Variants in KIRREL3 observed in about 807,000 individuals in gnomAD.
KIRREL3 encodes kin of IRRE-like protein 3.
A neutral mutation model predicts 89.7 loss-of-function variants in KIRREL3; 36 were observed. That is an observed-to-expected ratio of 0.40 (90% CI 0.31 to 0.53). The LOEUF is 0.53. Ranked by LOEUF, KIRREL3 falls within the 20% of genes least tolerant of loss-of-function variation. The probability of loss-of-function intolerance (pLI) is 0.49; values close to 1 mark genes in which losing one functional copy is unlikely to be tolerated. For synonymous variants in KIRREL3, 445 were observed against 441.4 expected (o/e 1.01, Z -0.10); for missense variants, 864 against 1,056.6 (o/e 0.82, Z 2.53).
At chr11:126,479,604 G>A (rs1957167831) in intron 4 of KIRREL3, among the ~76,000 whole-genome samples, 1 of 152,196 alleles carries the variant, frequency 6.6e-6, no homozygotes, top group Non-Finnish European at 1.5e-5. Context: ...TGCTCTAAGG[G>A]TTCCGAGGTA....
chr11:126,765,954 T>C lies in KIRREL3; in HGVS notation c.56-203042A>G, dbSNP rs141634981. On this transcript the variant is annotated intron_variant, in intron 1 of 16. Transcript: ENST00000525144. ...ATCAAGTGCTCTACAATTTCCACTG[T>C]AACTTTATGTTACAGAATCCATCAT... is the stretch of plus-strand genomic sequence containing the variant. Among the ~76,000 whole-genome samples the C allele has an allele frequency of 9.0e-3, 1,377 of 152,286 alleles. 11 individuals carry two copies. Among genetic ancestry groups the C allele is most frequent in the Middle Eastern group, 0.044 (13 of 294 alleles).
At position 126,463,373 on chromosome 11, in the gene KIRREL3, G is replaced by A. The variant is rs1956614960; in HGVS notation, c.592-66C>T. 1.2e-5 allele frequency: 18 copies of A among 1,511,636 alleles called. No homozygotes were observed. The highest frequency in any genetic ancestry group is 1.6e-5 in the Non-Finnish European group (18 of 1,108,188). The allele number at this position is 1,511,636 out of a possible 1,614,324, so 93.6% of individuals were successfully genotyped here. The stretch of plus-strand genomic sequence containing the variant: ...TTGGCTGGGGTGGCCAGCCTGGGTT[G>A]GGGGTAAACGAGCACCAGCTTAGAC... On this transcript the variant is annotated intron_variant, in intron 5 of 16. Transcript: ENST00000525144. The surrounding 1 kb of genome is among the most constrained non-coding windows in gnomAD (Gnocchi z 5.9).
At chr11:126,706,230 G>A (rs548680234) in intron 1 of KIRREL3, among the ~76,000 whole-genome samples, 1 of 152,274 alleles carries the variant, frequency 6.6e-6, no homozygotes, top group African/African-American at 2.4e-5. Flanking sequence ...TTGTCACATA[G>A]AAATAGAGAA....
rs966475887 is a variant in KIRREL3, at chr11:126,492,618, A to G, written c.434-19152T>C. On this transcript the variant is annotated intron_variant, in intron 4 of 16. Coordinates refer to ENST00000525144, the MANE Select transcript of KIRREL3 (RefSeq NM_032531.4). The surrounding 1 kb of genome is among the most constrained non-coding windows in gnomAD (Gnocchi z 4.8). The stretch of plus-strand genomic sequence containing the variant: ...GCGTCACCTCAGCTGTTGGAGGGGA[A>G]CAGCCACCAGGCCATTTTTATGACT... 6.6e-6 allele frequency among the ~76,000 whole-genome samples: 1 copy of G among 152,186 alleles called. No homozygotes were observed. Among genetic ancestry groups the G allele is most frequent in the Non-Finnish European group, 1.5e-5 (1 of 68,034 alleles).
intron 1 of KIRREL3, among the ~76,000 whole-genome samples, chr11:126,961,969 T>C (rs1949101369): frequency 6.6e-6 from 1 of 152,234 alleles, no homozygotes; most frequent in African/African-American, 2.4e-5. Flanking sequence ...TTACTGAATA[T>C]TTTAAGCCCA....
At chr11:126,657,250 A>C (rs1414356933) in intron 1 of KIRREL3, among the ~76,000 whole-genome samples, 6 of 147,844 alleles carry the variant, frequency 4.1e-5, no homozygotes, top group Non-Finnish European at 7.6e-5. Flanking sequence ...ATAAATAATT[A>C]AATAAATAAA....
intron 1 of KIRREL3, among the ~76,000 whole-genome samples, chr11:126,893,771 C>A (rs913315702): frequency 6.6e-6 from 1 of 152,200 alleles, no homozygotes; most frequent in African/African-American, 2.4e-5. Flanking sequence ...TTAAACGATG[C>A]GTGTTATAAA....
chr11:126,440,468 G>A lies in KIRREL3; in HGVS notation c.1334C>T (p.Thr445Met), dbSNP rs773187288. 6.3e-7 allele frequency: 1 copy of A among 1,586,180 alleles called. No homozygotes were observed. Among genetic ancestry groups the A allele is most frequent in the Non-Finnish European group, 8.6e-7 (1 of 1,167,018 alleles). Residue 445 changes from threonine (T) to methionine (M), a missense_variant, in exon 11 of 17, where the codon ACG (threonine) becomes ATG (methionine). Thr to Met is a moderately conservative substitution (Grantham distance 81). Coordinates refer to ENST00000525144, the MANE Select transcript of KIRREL3 (RefSeq NM_032531.4). Reference protein sequence around the residue: ...KGQIKCFIRSTPPPDRIAWSW... With the variant: ...KGQIKCFIRSMPPPDRIAWSW... ...ACTCACGATGCGGTCCGGCGGCGGC[G>A]TGCTCCGGATGAAGCACTTGATCTG...
chr11:126,502,034 A>AT (rs916434062), intron 4 of KIRREL3, among the ~76,000 whole-genome samples: 38 of 152,076 alleles, frequency 2.5e-4, no homozygotes, highest in Admixed American at 1.3e-3. Context: ...AGAAATCAGA[A>AT]TTTTTTTTTA....
intron 1 of KIRREL3, among the ~76,000 whole-genome samples, chr11:126,781,014 G>T (rs548926840): frequency 3.3e-4 from 50 of 152,292 alleles, no homozygotes; most frequent in Admixed American, 9.2e-4. Context: ...CAGGCCTCTG[G>T]GCTGAAACAG....
Position 126,814,431 on chromosome 11 carries a change from G to T in KIRREL3, c.55+186024C>A, listed in dbSNP as rs1329224626. Among the ~76,000 whole-genome samples the T allele has an allele frequency of 6.6e-6, 1 of 152,032 alleles. No individual in the cohort carries two copies. Among genetic ancestry groups the T allele is most frequent in the Non-Finnish European group, 1.5e-5 (1 of 68,018 alleles). On this transcript the variant is annotated intron_variant, in intron 1 of 16. Coordinates refer to ENST00000525144, the MANE Select transcript of KIRREL3 (RefSeq NM_032531.4). This position sits in a 1 kb window ranked among gnomAD's most constrained non-coding sequence, Gnocchi z 4.4. ...CCCATTACTGGATATATACCCAAAG[G>T]AATATAAATCATTGTATTATAAAGA...
intron 1 of KIRREL3, among the ~76,000 whole-genome samples, chr11:126,945,243 C>G (rs536041413): frequency 6.6e-6 from 1 of 152,334 alleles, no homozygotes; most frequent in African/African-American, 2.4e-5. Flanking sequence ...AATGGCAAAA[C>G]CATTGCGATC....
intron 1 of KIRREL3, among the ~76,000 whole-genome samples, chr11:126,759,344 G>A (rs1387593500): frequency 6.6e-6 from 1 of 152,156 alleles, no homozygotes; most frequent in Non-Finnish European, 1.5e-5. Flanking sequence ...TGGCCAGGTT[G>A]GTCTCGAACT....
rs906097654 is a variant in KIRREL3 at position 126,441,193 on chromosome 11, G to A, written c.1253-644C>T. On this transcript the variant is annotated intron_variant, in intron 10 of 16. Coordinates refer to ENST00000525144, the MANE Select transcript of KIRREL3 (RefSeq NM_032531.4). The surrounding 1 kb of genome is among the most constrained non-coding windows in gnomAD (Gnocchi z 5.0). ...GGTCCTGCAGTTCATCATCTTGTCT[G>A]CCTCCACGTCCATACCCAGACTGCC... 6.6e-6 allele frequency among the ~76,000 whole-genome samples: 1 copy of A among 152,216 alleles called. No homozygotes were observed. The highest frequency in any genetic ancestry group is 2.4e-5 in the African/African-American group (1 of 41,448).
At position 126,697,258 on chromosome 11, in the gene KIRREL3, G is replaced by A. The variant is rs1947136295; in HGVS notation, c.56-134346C>T. On this transcript the variant is annotated intron_variant, in intron 1 of 16. Coordinates refer to ENST00000525144, the MANE Select transcript of KIRREL3 (RefSeq NM_032531.4). The surrounding 1 kb of genome is among the most constrained non-coding windows in gnomAD (Gnocchi z 4.2). ...GCGGGAGATGACAGGACTACAAGAA[G>A]GCGGGACTTCCTCTATTGCCCTAGG... is the stretch of plus-strand genomic sequence containing the variant. Among the ~76,000 whole-genome samples, 1 of 152,214 alleles carries A rather than the reference G, an allele frequency of 6.6e-6. No individual in the cohort carries two copies. Among genetic ancestry groups the A allele is most frequent in the East Asian group, 1.9e-4 (1 of 5,194 alleles).
At position 126,566,807 on chromosome 11, in the gene KIRREL3, C is replaced by T. The variant is rs548301089; in HGVS notation, c.56-3895G>A. Among the ~76,000 whole-genome samples the T allele has an allele frequency of 1.1e-4, 16 of 152,188 alleles. No individual in the cohort carries two copies. The highest frequency in any genetic ancestry group is 3.9e-4 in the East Asian group (2 of 5,188). The stretch of plus-strand genomic sequence containing the variant: ...TTGTGGGATACTTATTTTTTAATGA[C>T]GCTGTCATATTCCCTTTCTCTTTAG... On this transcript the variant is annotated intron_variant, in intron 1 of 16. Transcript: ENST00000525144. This position sits in a 1 kb window ranked among gnomAD's most constrained non-coding sequence, Gnocchi z 4.9.
intron 10 of KIRREL3, chr11:126,440,941 T>G: frequency 4.2e-6 from 1 of 237,738 alleles, no homozygotes; most frequent in Non-Finnish European, 8.4e-6. Context: ...TGGGGAGGTG[T>G]CTAGATGAAG....
chr11:126,538,762 C>T (rs929584895), intron 2 of KIRREL3, among the ~76,000 whole-genome samples: 3 of 152,194 alleles, frequency 2.0e-5, no homozygotes, highest in Admixed American at 2.0e-4. Flanking sequence ...CCTCAGCAAT[C>T]TCCAAGTCCC....
chr11:126,431,354 G>C lies in KIRREL3; in HGVS notation c.1696+65C>G, dbSNP rs1461544965. 6.3e-7 allele frequency: 1 copy of C among 1,592,942 alleles called. No individual in the cohort carries two copies. Among genetic ancestry groups the C allele is most frequent in the Non-Finnish European group, 8.5e-7 (1 of 1,169,856 alleles). On this transcript the variant is annotated intron_variant, in intron 14 of 16. Transcript: ENST00000525144. The surrounding 1 kb of genome is among the most constrained non-coding windows in gnomAD (Gnocchi z 7.1). Reference sequence around the variant, plus strand: ...TGCACTCCTGCTTACTTGCTCTCCGGGGCAGCCTAAGCCTGGCCTTTTTCT... The same window carrying C: ...TGCACTCCTGCTTACTTGCTCTCCGCGGCAGCCTAAGCCTGGCCTTTTTCT...
Sources: allele counts gnomAD v4.1 joint callset (sites outside exome capture counted in the v4.1 genomes callset), GRCh38; gene constraint gnomAD v4.1.1; non-coding constraint Gnocchi (gnomAD v3.1); transcripts MANE v1.5; gene names NCBI Gene and HGNC (gene_info 2026-07-23, HGNC 2026-07-21).